Variants in TFAP2D observed in about 807,000 individuals in gnomAD.
TFAP2D encodes transcription factor AP-2 delta.
TFAP2D carries 9 observed loss-of-function variants against 43.6 expected under a neutral mutation model. The observed-to-expected ratio is 0.21, with a 90% CI of 0.12 to 0.36. The LOEUF (loss-of-function observed/expected upper bound fraction) is 0.36, where lower values mean the gene tolerates loss of function less well. Ranked by LOEUF, TFAP2D falls within the 10% of genes least tolerant of loss-of-function variation. The pLI is 1.00. For synonymous variants in TFAP2D, 256 were observed against 224.9 expected (o/e 1.14, Z -1.24); for missense variants, 513 against 561.4 (o/e 0.91, Z 0.87).
At chr6:50,760,005 A>G (rs912623892) in intron 7 of TFAP2D, among the ~76,000 whole-genome samples, 12 of 152,154 alleles carry the variant, frequency 7.9e-5, no homozygotes, top group African/African-American at 2.6e-4. Flanking sequence ...AAAGCGTTTC[A>G]TGGCCAAGTG....
intron 6 of TFAP2D, among the ~76,000 whole-genome samples, chr6:50,750,395 C>T (rs183879198): frequency 2.6e-5 from 4 of 152,030 alleles, no homozygotes; most frequent in African/African-American, 9.6e-5. Context: ...AATTCTTTGG[C>T]AATCCTTTAC....
intron 5 of TFAP2D, among the ~76,000 whole-genome samples, chr6:50,738,830 T>G (rs1398099246): frequency 6.6e-6 from 1 of 152,212 alleles, no homozygotes; most frequent in East Asian, 1.9e-4. Context: ...GATCTCATCA[T>G]GCAAGAATCC....
At chr6:50,720,376 A>G (rs1728350473) in intron 3 of TFAP2D, among the ~76,000 whole-genome samples, 1 of 151,000 alleles carries the variant, frequency 6.6e-6, no homozygotes, top group Admixed American at 6.6e-5. Flanking sequence ...GAAAGAAAAC[A>G]AAGGGTGCTT....
rs777965236 is a variant in TFAP2D, at chr6:50,729,064, A to G, written c.764+43A>G. 2.4e-5 allele frequency: 38 copies of G among 1,610,144 alleles called. 2 individuals are homozygous for G. The Middle Eastern group carries it at 6.6e-4, about 28-fold the overall frequency. On this transcript the variant is annotated intron_variant, in intron 4 of 7. Coordinates refer to ENST00000008391, the MANE Select transcript of TFAP2D (RefSeq NM_172238.4). The stretch of plus-strand genomic sequence containing the variant: ...TCTGGCACAGAATTTCTGCTAACTG[A>G]TACCATACCCTCAACCCTTAGTCAT...
chr6:50,720,375 C>A (rs1768698326), intron 3 of TFAP2D, among the ~76,000 whole-genome samples: 1 of 151,990 alleles, frequency 6.6e-6, no homozygotes, highest in African/African-American at 2.4e-5. Flanking sequence ...GGAAAGAAAA[C>A]AAAGGGTGCT....
intron 5 of TFAP2D, among the ~76,000 whole-genome samples, chr6:50,738,060 A>G (rs536601374): frequency 6.6e-6 from 1 of 152,292 alleles, no homozygotes; most frequent in African/African-American, 2.4e-5. Flanking sequence ...TTGACATTAT[A>G]GTACTTTCCT....
At chr6:50,721,232 A>T (rs1026875643) in intron 3 of TFAP2D, among the ~76,000 whole-genome samples, 1 of 152,214 alleles carries the variant, frequency 6.6e-6, no homozygotes, top group Admixed American at 6.5e-5. Flanking sequence ...TTGATGTCAT[A>T]TGAGACTAGT....
intron 7 of TFAP2D, among the ~76,000 whole-genome samples, chr6:50,768,238 T>C (rs534708451): frequency 6.6e-6 from 1 of 150,966 alleles, no homozygotes; most frequent in East Asian, 1.9e-4. Flanking sequence ...TTTTCCTGTC[T>C]AGGATCAAAA....
chr6:50,757,117 A>G (rs958438778), intron 7 of TFAP2D, among the ~76,000 whole-genome samples: 2 of 151,424 alleles, frequency 1.3e-5, no homozygotes, highest in African/African-American at 4.8e-5. Context: ...TGGGAGGCTG[A>G]AGTTTTGTTG....
At chr6:50,763,336 C>T (rs923354515) in intron 7 of TFAP2D, among the ~76,000 whole-genome samples, 6 of 152,070 alleles carry the variant, frequency 3.9e-5, no homozygotes, top group Non-Finnish European at 1.5e-5. Flanking sequence ...TTGACAACTG[C>T]CCTTACATCC....
chr6:50,720,222 C>A (rs74621952), intron 3 of TFAP2D, among the ~76,000 whole-genome samples: 2,439 of 152,264 alleles, frequency 0.016, 55 homozygotes, highest in African/African-American at 0.054. Context: ...TCCTTCAGCC[C>A]TTCTCCATCC....
intron 7 of TFAP2D, among the ~76,000 whole-genome samples, chr6:50,757,521 C>T (rs1971440): frequency 0.02 from 1,152 of 58,044 alleles, no homozygotes; most frequent in East Asian, 0.053. Context: ...ATATAGAATA[C>T]ATATAATTAT....
intron 3 of TFAP2D, among the ~76,000 whole-genome samples, chr6:50,724,065 T>C (rs1768770385): frequency 6.6e-6 from 1 of 152,106 alleles, no homozygotes; most frequent in Non-Finnish European, 1.5e-5. Context: ...CATCCTTTGC[T>C]GTTTGATTAC....
At chr6:50,731,830 GA>G (rs773411018) in intron 5 of TFAP2D, among the ~76,000 whole-genome samples, 16 of 151,958 alleles carry the variant, frequency 1.1e-4, no homozygotes, top group Non-Finnish European at 1.6e-4. Flanking sequence ...GCCATGTTCT[GA>G]ATTAGATCAT....
chr6:50,755,324 A>C (rs948378480), intron 7 of TFAP2D, among the ~76,000 whole-genome samples: 1 of 151,932 alleles, frequency 6.6e-6, no homozygotes, highest in African/African-American at 2.4e-5. Flanking sequence ...TATGTTAACA[A>C]TAGGATAGCA....
intron 2 of TFAP2D, among the ~76,000 whole-genome samples, chr6:50,716,481 AAAG>A (rs1381640809): frequency 2.0e-5 from 3 of 152,274 alleles, no homozygotes; most frequent in East Asian, 3.9e-4. Context: ...GAAGGGAGAA[AAAG>A]AAGAAGGAAG....
chr6:50,719,109 G>A lies in TFAP2D; in HGVS notation c.557G>A (p.Cys186Tyr). 3 of 1,614,020 alleles carry A rather than the reference G, an allele frequency of 1.9e-6. No individual in the cohort carries two copies. Among genetic ancestry groups the A allele is most frequent in the East Asian group, 2.2e-5 (1 of 44,860 alleles). The change falls in exon 3 of 8, where the codon TGT becomes TAT. Residue 186 changes from cysteine to tyrosine, a missense_variant. Physicochemically the swap from Cys to Tyr is radical, Grantham distance 194. This residue lies in a region of TFAP2D where 311 missense variants were observed against 316.2 expected (regional missense o/e 0.98). Coordinates refer to ENST00000008391, the MANE Select transcript of TFAP2D (RefSeq NM_172238.4). ...ATTAAGGGCTCTGTGGAGGCCCAGT[G>A]TGGGCTTGTTCTCAATGGCCAAGGT... ...DDLQGSVEAQ[C>Y]GLVLNGQGGV...
chr6:50,742,954 A>AACACACACACAC (rs3060372), intron 5 of TFAP2D, among the ~76,000 whole-genome samples: 14,491 of 139,486 alleles, frequency 0.1, 999 homozygotes, highest in Non-Finnish European at 0.15. Flanking sequence ...ACGACTTTAA[A>AACACACACACAC]ACACACACAC....
intron 3 of TFAP2D, among the ~76,000 whole-genome samples, chr6:50,720,060 A>C (rs1768694359): frequency 6.6e-6 from 1 of 152,238 alleles, no homozygotes; most frequent in Non-Finnish European, 1.5e-5. Context: ...CGAGCAGCAC[A>C]CAAGGCAAGA....
Sources: allele counts gnomAD v4.1 joint callset (sites outside exome capture counted in the v4.1 genomes callset), GRCh38; gene constraint gnomAD v4.1.1; regional missense constraint gnomAD v4.1.1; transcripts MANE v1.5; gene names NCBI Gene and HGNC (gene_info 2026-07-23, HGNC 2026-07-21).